Variants in LRMDA observed in about 807,000 individuals in gnomAD.
LRMDA encodes leucine rich melanocyte differentiation associated, also known as leucine-rich melanocyte differentiation-associated protein.
LRMDA carries 18 observed loss-of-function variants against 29.8 expected under a neutral mutation model. The observed-to-expected ratio is 0.60, with a 90% confidence interval of 0.42 to 0.90. The LOEUF (loss-of-function observed/expected upper bound fraction) is 0.90. LRMDA is among the 40% of genes least tolerant of loss of function. The pLI, the probability that LRMDA is intolerant of heterozygous loss-of-function variation, is 0.00. For synonymous variants in LRMDA, 125 were observed against 109.4 expected, an observed-to-expected ratio of 1.14 and a Z score of -0.89; for missense variants, 273 against 273.9, an observed-to-expected ratio of 1.00 and a Z score of 0.02.
chr10:75,883,701 C>T (rs1845331682), intron 2 of LRMDA, among the ~76,000 whole-genome samples: 1 of 151,844 alleles, frequency 6.6e-6, no homozygotes. Context: ...AGCCGAGGTA[C>T]TGAGTGAGGG....
chr10:75,993,909 GT>G (rs1156549964), intron 2 of LRMDA, among the ~76,000 whole-genome samples: 3 of 152,200 alleles, frequency 2.0e-5, no homozygotes, highest in East Asian at 1.9e-4. Flanking sequence ...CTTGGAGATT[GT>G]TTTCTTTTTG....
At chr10:75,731,067 A>G (rs1564551872) in intron 2 of LRMDA, among the ~76,000 whole-genome samples, 3 of 152,232 alleles carry the variant, frequency 2.0e-5, no homozygotes, top group South Asian at 2.1e-4. Context: ...TAAATCATGT[A>G]CATTGCTGGT....
chr10:75,631,403 A>C (rs1589140455), intron 2 of LRMDA, among the ~76,000 whole-genome samples: 3 of 148,678 alleles, frequency 2.0e-5, no homozygotes, highest in African/African-American at 7.6e-5. Flanking sequence ...ACCTCACTGC[A>C]CCCCCCCCGC....
intron 2 of LRMDA, among the ~76,000 whole-genome samples, chr10:75,780,706 C>G (rs1466318712): frequency 1.3e-5 from 2 of 152,344 alleles, no homozygotes; most frequent in East Asian, 1.9e-4. Flanking sequence ...AGTGGGGTCT[C>G]ATTGCCCCTC....
intron 5 of LRMDA, among the ~76,000 whole-genome samples, chr10:76,156,830 C>G (rs1052347413): frequency 2.0e-5 from 3 of 152,166 alleles, no homozygotes; most frequent in African/African-American, 7.2e-5. Context: ...GATCAGATTT[C>G]TTCCAAGATA....
chr10:76,324,359 T>A (rs1325265751), intron 5 of LRMDA, 42 bp from the exon 6 acceptor site: 1 of 1,526,316 alleles, frequency 6.6e-7, no homozygotes, highest in Non-Finnish European at 9.1e-7. Flanking sequence ...TGGTATTTGG[T>A]GTTTGGTGTT....
chr10:75,472,389 G>A (rs1484036329), intron 2 of LRMDA, among the ~76,000 whole-genome samples: 1 of 152,178 alleles, frequency 6.6e-6, no homozygotes, highest in Non-Finnish European at 1.5e-5. Flanking sequence ...ACCCATTTGA[G>A]GTGGGATTCA....
chr10:76,287,360 A>G (rs1840285151), intron 5 of LRMDA, among the ~76,000 whole-genome samples: 1 of 152,120 alleles, frequency 6.6e-6, no homozygotes, highest in African/African-American at 2.4e-5. Context: ...GCCACTCTAG[A>G]TTCCACAAAG....
chr10:76,062,660 G>C lies in LRMDA; in HGVS notation c.516+3877G>C, dbSNP rs373909554. ...ATGCTTCCAGACTTTATCTCTCTGT[G>C]TGTGTGTGTGTGTGTGTGTGTGTGT... On this transcript the variant is annotated intron_variant, in intron 5 of 6. Coordinates refer to ENST00000611255, the MANE Select transcript of LRMDA (RefSeq NM_001305581.2). 1.6e-3 allele frequency among the ~76,000 whole-genome samples: 196 copies of C among 125,796 alleles called. 1 individual carries two copies. The East Asian group carries it at 0.017, about 11-fold the overall frequency. The allele number at this position is 125,796 out of a possible 152,430, so 82.5% of individuals were successfully genotyped here. A position where few individuals can be genotyped will look rare whatever the true frequency, so the allele number is the denominator to read the frequency against.
At chr10:75,701,661 G>T (rs1842309546) in intron 2 of LRMDA, among the ~76,000 whole-genome samples, 1 of 152,192 alleles carries the variant, frequency 6.6e-6, no homozygotes, top group Non-Finnish European at 1.5e-5. Flanking sequence ...GTAAACAGGG[G>T]AGCAGACCCC....
chr10:76,478,209 A>AAAAC (rs1198598072), intron 6 of LRMDA, among the ~76,000 whole-genome samples: 4 of 151,338 alleles, frequency 2.6e-5, no homozygotes, highest in East Asian at 2.0e-4. Flanking sequence ...TTACAAGAAA[A>AAAAC]AAACAACCCC....
At chr10:75,490,603 C>G (rs1844974553) in intron 2 of LRMDA, among the ~76,000 whole-genome samples, 1 of 152,054 alleles carries the variant, frequency 6.6e-6, no homozygotes, top group Non-Finnish European at 1.5e-5. Context: ...GAAAGTCAAC[C>G]ATTTCATTTT....
At chr10:76,429,766 A>C (rs1842171640) in intron 6 of LRMDA, among the ~76,000 whole-genome samples, 1 of 152,214 alleles carries the variant, frequency 6.6e-6, no homozygotes, top group African/African-American at 2.4e-5. Flanking sequence ...TTAATAGATC[A>C]GCCATGGGGG....
At chr10:76,434,821 A>G (rs867217625) in intron 6 of LRMDA, among the ~76,000 whole-genome samples, 32 of 152,178 alleles carry the variant, frequency 2.1e-4, no homozygotes, top group African/African-American at 7.7e-4. Flanking sequence ...GTGTATACCT[A>G]CCTGTACACG....
chr10:75,965,629 G>A (rs1846846000), intron 2 of LRMDA, among the ~76,000 whole-genome samples: 1 of 152,180 alleles, frequency 6.6e-6, no homozygotes, highest in South Asian at 2.1e-4. Context: ...GTTGGGCTCT[G>A]TGGTGCTGTT....
intron 6 of LRMDA, among the ~76,000 whole-genome samples, chr10:76,402,496 C>T (rs953641986): frequency 3.9e-5 from 6 of 152,074 alleles, no homozygotes; most frequent in Non-Finnish European, 8.8e-5. Context: ...GGACTACAGG[C>T]GTGTGTCACC....
At chr10:76,503,007 T>G (rs1842926194) in intron 6 of LRMDA, among the ~76,000 whole-genome samples, 1 of 152,000 alleles carries the variant, frequency 6.6e-6, no homozygotes, top group Non-Finnish European at 1.5e-5. Context: ...CTTTTGTCTC[T>G]TCAGTATGAC....
intron 6 of LRMDA, among the ~76,000 whole-genome samples, chr10:76,359,540 G>A (rs1589150283): frequency 6.6e-6 from 1 of 152,252 alleles, no homozygotes; most frequent in South Asian, 2.1e-4. Flanking sequence ...GTAAACCCAG[G>A]CCTCCGGTTT....
chr10:75,521,307 C>T (rs1475804859), intron 2 of LRMDA, among the ~76,000 whole-genome samples: 1 of 152,252 alleles, frequency 6.6e-6, no homozygotes, highest in Non-Finnish European at 1.5e-5. Context: ...TATGTCCTGC[C>T]CACAGAGGTG....
Sources: allele counts gnomAD v4.1 joint callset (sites outside exome capture counted in the v4.1 genomes callset), GRCh38; gene constraint gnomAD v4.1.1; transcripts MANE v1.5; gene names NCBI Gene and HGNC (gene_info 2026-07-23, HGNC 2026-07-21).